SGCZ: variants seen among roughly 807,000 people sequenced by gnomAD.
SGCZ encodes the protein sarcoglycan zeta, also known as zeta-sarcoglycan.
Under a neutral mutation model 41.3 loss-of-function variants are expected in SGCZ, and 40 were observed. The observed-to-expected ratio is 0.97, with a 90% CI of 0.75 to 1.26. The LOEUF is 1.26. SGCZ is among the 50% of genes most tolerant of loss of function. The pLI, the probability that SGCZ is intolerant of heterozygous loss-of-function variation, is 0.00. For missense variants in SGCZ, 552 were observed against 369.8 expected, an observed-to-expected ratio of 1.49 and a Z score of -4.04; for synonymous variants, 206 against 137.5, an observed-to-expected ratio of 1.50 and a Z score of -3.49.
At chr8:14,971,224 TC>T (rs1366057396) in intron 1 of SGCZ, among the ~76,000 whole-genome samples, 2 of 152,200 alleles carry the variant, frequency 1.3e-5, no homozygotes, top group Admixed American at 1.3e-4. Context: ...TTCAGAAGAC[TC>T]CTTGTAGAGG....
intron 3 of SGCZ, among the ~76,000 whole-genome samples, chr8:14,297,429 A>G (rs1180980115): frequency 5.9e-5 from 9 of 152,032 alleles, no homozygotes; most frequent in Non-Finnish European, 1.3e-4. Context: ...CCTGAAAGAC[A>G]TAATTAAAAA....
intron 4 of SGCZ, among the ~76,000 whole-genome samples, chr8:14,183,637 A>G (rs181260721): frequency 3.0e-4 from 46 of 152,302 alleles, no homozygotes; most frequent in African/African-American, 9.9e-4. Flanking sequence ...TTGTTTCACA[A>G]AATTTAACAC....
At chr8:15,173,164 TG>T (rs1295400181) in intron 1 of SGCZ, among the ~76,000 whole-genome samples, 2 of 152,218 alleles carry the variant, frequency 1.3e-5, no homozygotes, top group African/African-American at 4.8e-5. Flanking sequence ...TTACTATTTG[TG>T]TGACCTTTAG....
At chr8:14,579,821 G>C (rs957585557) in intron 1 of SGCZ, among the ~76,000 whole-genome samples, 1 of 152,116 alleles carries the variant, frequency 6.6e-6, no homozygotes, top group African/African-American at 2.4e-5. Context: ...ATTCCCTTTT[G>C]TGTATCTAGG....
intron 4 of SGCZ, 197 bp from the exon 5 acceptor site, chr8:14,164,899 G>T (rs1804161136): frequency 1.6e-6 from 1 of 632,324 alleles, no homozygotes; most frequent in South Asian, 2.1e-5. Flanking sequence ...GTGCTAGGCT[G>T]GTTAGGCATA....
chr8:14,529,617 G>A (rs1338447856), intron 2 of SGCZ, among the ~76,000 whole-genome samples: 2 of 152,076 alleles, frequency 1.3e-5, no homozygotes, highest in Non-Finnish European at 2.9e-5. Flanking sequence ...TTATGTTAAT[G>A]TACCCATATT....
At chr8:14,861,066 G>A (rs1585326405) in intron 1 of SGCZ, among the ~76,000 whole-genome samples, 1 of 152,166 alleles carries the variant, frequency 6.6e-6, no homozygotes, top group Non-Finnish European at 1.5e-5. Flanking sequence ...CACGATGCTT[G>A]AGAGTTGAGA....
chr8:14,680,284 A>C (rs1192518369), intron 1 of SGCZ, among the ~76,000 whole-genome samples: 1 of 152,172 alleles, frequency 6.6e-6, no homozygotes, highest in Admixed American at 6.5e-5. Flanking sequence ...TATACGTGTC[A>C]TTATAAACTT....
intron 3 of SGCZ, among the ~76,000 whole-genome samples, chr8:14,321,359 C>G (rs1052332920): frequency 1.3e-5 from 2 of 151,908 alleles, no homozygotes; most frequent in South Asian, 2.1e-4. Context: ...AATCATAGAA[C>G]CTTAAAAGTC....
intron 2 of SGCZ, among the ~76,000 whole-genome samples, chr8:14,469,000 A>G (rs959658384): frequency 7.9e-5 from 12 of 151,924 alleles, no homozygotes; most frequent in East Asian, 7.7e-4. Context: ...ATAATAACCT[A>G]CTCACTTGTC....
chr8:15,232,754 CATATATATGTGTGTATATATATACAT>C (rs1801989798), intron 1 of SGCZ, among the ~76,000 whole-genome samples: 1 of 135,726 alleles, frequency 7.4e-6, no homozygotes, highest in Admixed American at 7.8e-5. Flanking sequence ...TATATATATA[CATATATATGTGTGTATATATATACAT>C]ATATATGTGT....
At chr8:14,284,013 A>T (rs1163147391) in intron 3 of SGCZ, among the ~76,000 whole-genome samples, 1 of 152,220 alleles carries the variant, frequency 6.6e-6, no homozygotes, top group African/African-American at 2.4e-5. Flanking sequence ...ATGTAAATTT[A>T]AGATTTCTTA....
At chr8:14,433,657 G>T (rs1297711409) in intron 2 of SGCZ, among the ~76,000 whole-genome samples, 2 of 151,950 alleles carry the variant, frequency 1.3e-5, no homozygotes, top group African/African-American at 2.4e-5. Flanking sequence ...AAATAAAAAA[G>T]GTGCAGCTTG....
chr8:15,190,697 G>C (rs1800507499), intron 1 of SGCZ, among the ~76,000 whole-genome samples: 1 of 150,072 alleles, frequency 6.7e-6, no homozygotes, highest in South Asian at 2.1e-4. Context: ...AGGTGTGCGT[G>C]TGTCGTGGGG....
At chr8:15,153,663 C>T (rs983507429) in intron 1 of SGCZ, among the ~76,000 whole-genome samples, 2 of 152,134 alleles carry the variant, frequency 1.3e-5, no homozygotes, top group Admixed American at 6.5e-5. Flanking sequence ...GCACTTTCCC[C>T]CCACCCTCTC....
intron 2 of SGCZ, among the ~76,000 whole-genome samples, chr8:14,471,663 G>T (rs4831598): frequency 0.41 from 61,796 of 151,728 alleles, 13,613 homozygotes; most frequent in African/African-American, 0.59. Context: ...GCTACATAAA[G>T]CTGAAAGCCA....
chr8:14,957,030 A>G (rs1800815362), intron 1 of SGCZ, among the ~76,000 whole-genome samples: 1 of 152,170 alleles, frequency 6.6e-6, no homozygotes, highest in Admixed American at 6.6e-5. Context: ...ATAGAAAAAA[A>G]CAACCCTGGA....
intron 1 of SGCZ, among the ~76,000 whole-genome samples, chr8:15,036,011 T>C (rs1293477018): frequency 2.0e-5 from 3 of 151,324 alleles, no homozygotes; most frequent in Admixed American, 6.6e-5. Context: ...CAGAAATAAA[T>C]ACAATAGAAA....
intron 3 of SGCZ, among the ~76,000 whole-genome samples, chr8:14,241,458 A>C (rs1175710392): frequency 6.7e-6 from 1 of 148,434 alleles, no homozygotes; most frequent in South Asian, 2.1e-4. Flanking sequence ...AACAATATAT[A>C]ATAATATATA....
Sources: allele counts gnomAD v4.1 joint callset (sites outside exome capture counted in the v4.1 genomes callset), GRCh38; gene constraint gnomAD v4.1.1; transcripts MANE v1.5; gene names NCBI Gene and HGNC (gene_info 2026-07-23, HGNC 2026-07-21).